The following CRHR2 variants were observed in gnomAD, a reference collection of about 807,000 sequenced individuals.
The protein encoded by CRHR2 is corticotropin-releasing hormone receptor 2.
Under a neutral mutation model 57.9 loss-of-function variants are expected in CRHR2, and 53 were observed. The ratio of observed to expected loss-of-function variants is 0.92; its 90% CI spans 0.73 to 1.15. CRHR2 has a LOEUF of 1.15. CRHR2 is among the 50% of genes most tolerant of loss of function. CRHR2 has a pLI of 0.00. For synonymous variants in CRHR2, 213 were observed against 220.9 expected, an observed-to-expected ratio of 0.96 and a Z score of 0.32; for missense variants, 532 against 542.6, an observed-to-expected ratio of 0.98 and a Z score of 0.19.
At chr7:30,681,789 C>G in intron 2 of CRHR2, 126 bp downstream of exon 2, 1 of 1,377,136 alleles carries the variant, frequency 7.3e-7, no homozygotes, top group South Asian at 1.6e-5. Flanking sequence ...GTCCTTAACG[C>G]CCGCGGTCCG....
intron 2 of CRHR2, among the ~76,000 whole-genome samples, chr7:30,687,922 G>C (rs1325699701): frequency 6.6e-6 from 1 of 152,222 alleles, no homozygotes; most frequent in Admixed American, 6.5e-5. Context: ...CTCTCATTCA[G>C]CCTTCACTGT....
intron 1 of CRHR2, among the ~76,000 whole-genome samples, chr7:30,693,760 A>G (rs1785002873): frequency 6.6e-6 from 1 of 152,052 alleles, no homozygotes; most frequent in Admixed American, 6.5e-5. Context: ...CAACTCCAGG[A>G]AGATAGCATC....
chr7:30,680,145 C>A (rs1039919550), intron 2 of CRHR2, among the ~76,000 whole-genome samples: 1 of 152,120 alleles, frequency 6.6e-6, no homozygotes, highest in African/African-American at 2.4e-5. Context: ...CCTTGTCACC[C>A]CGCCCCCACA....
intron 2 of CRHR2, chr7:30,689,159 G>C: frequency 1.3e-6 from 2 of 1,534,030 alleles, no homozygotes; most frequent in Non-Finnish European, 1.8e-6. Flanking sequence ...ATCTCCAGGG[G>C]CTGCTGCAGG....
chr7:30,684,488 A>G (rs1016186656), upstream of CRHR2, among the ~76,000 whole-genome samples: 4 of 152,204 alleles, frequency 2.6e-5, no homozygotes, highest in African/African-American at 9.6e-5. Flanking sequence ...GAGGCCAGGG[A>G]CTTCTCATCT....
chr7:30,682,710 T>C (rs1784767236), upstream of CRHR2: 1 of 179,304 alleles, frequency 5.6e-6, no homozygotes, highest in Admixed American at 6.5e-5. Flanking sequence ...TGTGCGGGGA[T>C]CGCAGGCCCC....
intron 2 of CRHR2, 70 bp from the exon 3 acceptor site, chr7:30,667,383 G>T (rs1251612165): frequency 4.5e-6 from 6 of 1,346,634 alleles, no homozygotes; most frequent in African/African-American, 4.3e-5. Flanking sequence ...GCTCCCTGGT[G>T]CCCACAGGAT....
rs1485220913 is a variant in CRHR2 at position 30,662,828 on chromosome 7, G to T, written c.563C>A (p.Thr188Asn). 1 of 1,614,212 alleles carries T rather than the reference G, an allele frequency of 6.2e-7. No individual in the cohort carries two copies. The change falls in exon 6 of 12, where the codon ACC becomes AAC. Residue 188 changes from threonine to asparagine, a missense_variant. Transcript: ENST00000471646. ...CACCACGAAGTAGTTGAAGATGGTG[G>T]TGATGCAGCGGCACCAGACCTGTGT... ...ESNEVWCRCI[T>N]TIFNYFVVTN...
rs115068987 is a variant in CRHR2, at chr7:30,654,416, A to G, written c.1095+623T>C. Among the ~76,000 whole-genome samples, 301 of 152,228 alleles carry G rather than the reference A, an allele frequency of 2.0e-3. 3 individuals are homozygous for G. The highest frequency in any genetic ancestry group is 7.0e-3 in the African/African-American group (292 of 41,534). The stretch of plus-strand genomic sequence containing the variant: ...TAGACACCTCGCCAGTGCCCTGTGC[A>G]GAGACAGGCAAGTGTATTCCTCTGG... On this transcript the variant is annotated intron_variant, in intron 11 of 11. Transcript: ENST00000471646.
chr7:30,699,332 C>A (rs1448660163), intron 1 of CRHR2, among the ~76,000 whole-genome samples: 1 of 152,128 alleles, frequency 6.6e-6, no homozygotes, highest in African/African-American at 2.4e-5. Flanking sequence ...CTTGAGAAAC[C>A]CTTGGAGAGG....
upstream of CRHR2, among the ~76,000 whole-genome samples, chr7:30,682,927 G>A (rs1291564091): frequency 6.6e-6 from 1 of 152,220 alleles, no homozygotes; most frequent in African/African-American, 2.4e-5. Flanking sequence ...ATAGCCTCTG[G>A]GAAGGAAATG....
chr7:30,692,693 G>A (rs905221319), intron 1 of CRHR2, among the ~76,000 whole-genome samples: 8 of 152,162 alleles, frequency 5.3e-5, no homozygotes, highest in Non-Finnish European at 8.8e-5. Flanking sequence ...CTTCTTTCAC[G>A]TGAAGTCAGC....
intron 1 of CRHR2, among the ~76,000 whole-genome samples, chr7:30,696,858 G>C (rs1785067175): frequency 6.6e-6 from 1 of 152,142 alleles, no homozygotes; most frequent in Non-Finnish European, 1.5e-5. Flanking sequence ...AGAAGATAAA[G>C]AGTAGTCCCA....
intron 1 of CRHR2, among the ~76,000 whole-genome samples, chr7:30,696,436 T>G (rs1027599514): frequency 1.3e-5 from 2 of 152,038 alleles, no homozygotes; most frequent in Non-Finnish European, 2.9e-5. Context: ...AAAATAAAAA[T>G]TAAGGCCAGG....
chr7:30,670,142 C>A (rs890332481), intron 2 of CRHR2, among the ~76,000 whole-genome samples: 1 of 152,090 alleles, frequency 6.6e-6, no homozygotes, highest in East Asian at 1.9e-4. Flanking sequence ...CACACACACA[C>A]AAACACAGAA....
At position 30,665,472 on chromosome 7, in the gene CRHR2, G is replaced by A. The variant is rs1292638037; in HGVS notation, c.425+58C>T. 1 of 1,378,622 alleles carries A rather than the reference G, an allele frequency of 7.3e-7. No individual in the cohort carries two copies. Among genetic ancestry groups the A allele is most frequent in the Admixed American group, 2.0e-5 (1 of 50,462 alleles). The allele number at this position is 1,378,622 out of a possible 1,614,324, so 85.4% of individuals were successfully genotyped here. A position where few individuals can be genotyped will look rare whatever the true frequency, so the allele number is the denominator to read the frequency against. ...GGAGGTGAGAATGTCTGGGAGAGGTGAAGGGGGTGCTGTAGGGGGAGGGAT... is the reference window on the plus strand; with the variant it reads ...GGAGGTGAGAATGTCTGGGAGAGGTAAAGGGGGTGCTGTAGGGGGAGGGAT... On this transcript the variant is annotated intron_variant, in intron 4 of 11. Transcript: ENST00000471646. The surrounding 1 kb of genome is among the most constrained non-coding windows in gnomAD (Gnocchi z 4.5).
intron 1 of CRHR2, among the ~76,000 whole-genome samples, chr7:30,690,450 G>C (rs755650702): frequency 6.6e-6 from 1 of 152,064 alleles, no homozygotes; most frequent in Admixed American, 6.6e-5. Context: ...ATGCACACAC[G>C]TGTGTGACTT....
chr7:30,699,166 T>C (rs1306131400), intron 1 of CRHR2, among the ~76,000 whole-genome samples: 1 of 152,126 alleles, frequency 6.6e-6, no homozygotes, highest in Non-Finnish European at 1.5e-5. Flanking sequence ...ATCTGTAAAA[T>C]GGGGAGAAGG....
At chr7:30,682,084 G>A (rs1268005473) in intron 1 of CRHR2, 44 bp from the exon 2 acceptor site, 7 of 1,548,594 alleles carry the variant, frequency 4.5e-6, no homozygotes, top group Non-Finnish European at 6.1e-6. Flanking sequence ...GGGGCCCGCA[G>A]GGACGCGGGG....
Sources: gnomAD v4.1 joint callset for allele counts (sites outside exome capture counted in the v4.1 genomes callset) on GRCh38, gnomAD v4.1.1 for gene constraint, Gnocchi (gnomAD v3.1) non-coding constraint, MANE v1.5 for transcripts, NCBI Gene and HGNC (gene_info 2026-07-23, HGNC 2026-07-21) for gene names.